HASPIN: variants seen among roughly 807,000 people sequenced by gnomAD.
HASPIN encodes the protein serine/threonine-protein kinase haspin.
A neutral mutation model predicts 28.8 loss-of-function variants in HASPIN; 24 were observed. That is an observed-to-expected ratio of 0.83 (90% CI 0.60 to 1.17). The LOEUF (loss-of-function observed/expected upper bound fraction) is 1.17, where lower values mean the gene tolerates loss of function less well. Ranked by LOEUF, HASPIN falls within the 50% of genes most tolerant of loss-of-function variation. HASPIN has a pLI of 0.00. For missense variants in HASPIN, 1,016 were observed against 1,018.5 expected, an observed-to-expected ratio of 1.00 and a Z score of 0.03; for synonymous variants, 440 against 413.1, an observed-to-expected ratio of 1.07 and a Z score of -0.79.
rs752049306 is a variant in HASPIN at position 3,724,788 on chromosome 17, G to A, written c.853G>A (p.Gly285Ser). ...GGTGGGAAATGGACCAGAGGGTCCAGGTCTGTCAAGCACAGGCAAGAGGAG... is the reference window on the plus strand; with the variant it reads ...GGTGGGAAATGGACCAGAGGGTCCAAGTCTGTCAAGCACAGGCAAGAGGAG... Reference protein sequence around the residue: ...LVVGNGPEGPGLSSTGKRRAT... With the variant: ...LVVGNGPEGPSLSSTGKRRAT... Residue 285 changes from glycine (G) to serine (S), a missense_variant, in exon 1 of 1, where the codon GGT (glycine) becomes AGT (serine). Coordinates refer to ENST00000325418, the MANE Select transcript of HASPIN (RefSeq NM_031965.2). 1 of 1,614,200 alleles carries A rather than the reference G, an allele frequency of 6.2e-7. No individual in the cohort carries two copies. The highest frequency in any genetic ancestry group is 1.7e-5 in the Admixed American group (1 of 60,016).
chr17:3,724,128 G>A lies in HASPIN; in HGVS notation c.193G>A (p.Asp65Asn). 14 of 1,594,662 alleles carry A rather than the reference G, an allele frequency of 8.8e-6. No individual in the cohort carries two copies. Among genetic ancestry groups the A allele is most frequent in the Non-Finnish European group, 1.1e-5 (13 of 1,177,514 alleles). ...CCCCTCGCAGTCCGACGATCCTGAC[G>A]ATCCCGACGACCCCGACTTCCCCGG... is the stretch of plus-strand genomic sequence containing the variant. Reference protein sequence around the residue: ...GDPSQSDDPDDPDDPDFPGSP... With the variant: ...GDPSQSDDPDNPDDPDFPGSP... Residue 65 changes from aspartate (D) to asparagine (N), a missense_variant, in exon 1 of 1, where the codon GAT becomes AAT. Coordinates refer to ENST00000325418, the MANE Select transcript of HASPIN (RefSeq NM_031965.2).
chr17:3,725,730 C>A lies in HASPIN; in HGVS notation c.1795C>A (p.Leu599Ile). ...GCCTGATTTTTTTAAAGACGACCAG[C>A]TCTTCATTGTGCTGGAATTTGAGTT... is the stretch of plus-strand genomic sequence containing the variant. ...DRPDFFKDDQ[L>I]FIVLEFEFGG... The change falls in exon 1 of 1, where the codon CTC becomes ATC. Residue 599 changes from leucine (L) to isoleucine (I), a missense_variant. Leu to Ile is a conservative substitution (Grantham distance 5). Coordinates refer to ENST00000325418, the MANE Select transcript of HASPIN (RefSeq NM_031965.2). 1 of 1,578,612 alleles carries A rather than the reference C, an allele frequency of 6.3e-7. No homozygotes were observed. The highest frequency in any genetic ancestry group is 8.6e-7 in the Non-Finnish European group (1 of 1,162,518).
At position 3,726,586 on chromosome 17, in the gene HASPIN, G is replaced by A. The variant is rs1274379854; in HGVS notation, c.*254G>A. The A allele has an allele frequency of 8.9e-6, 4 of 449,294 alleles. No individual in the cohort carries two copies. The highest frequency in any genetic ancestry group is 1.2e-5 in the Non-Finnish European group (3 of 252,832). The allele number at this position is 449,294 out of a possible 1,614,324, so 27.8% of individuals were successfully genotyped here. A position where few individuals can be genotyped will look rare whatever the true frequency, so the allele number is the denominator to read the frequency against. On this transcript the variant is annotated 3_prime_UTR_variant, in exon 1 of 1. Transcript: ENST00000325418. ...CGTGCGCCTGTAGTCCCAGCTACTC[G>A]GGAGGCTGAGGCAGGAGGATCGCTT...
In HASPIN at chr17:3,724,208, G is replaced by A. The variant is rs1232334985; in HGVS notation, c.273G>A (p.Arg91=). ...CCGGCGGCCGAGTGCCCAAGGACCG[G>A]CCCAGCCTGACCGTGACCCCAAAGC... The part of the protein sequence containing the change: ...RRPGGRVPKD[R]PSLTVTPKRW... The change falls in exon 1 of 1, where the codon CGG becomes CGA. Residue 91 remains arginine (R), a synonymous_variant. Transcript: ENST00000325418. 8 of 1,592,882 alleles carry A rather than the reference G, an allele frequency of 5.0e-6. No homozygotes were observed. Among genetic ancestry groups the A allele is most frequent in the Non-Finnish European group, 6.8e-6 (8 of 1,177,062 alleles).
rs1212389461 is a variant in HASPIN at position 3,723,979 on chromosome 17, CA to C, written c.45del (p.Tyr16MetfsTer61). 1 of 1,592,046 alleles carries C rather than the reference CA, an allele frequency of 6.3e-7. No homozygotes were observed. Among genetic ancestry groups the C allele is most frequent in the African/African-American group, 1.4e-5 (1 of 74,036 alleles). Reference protein sequence around the residue: ...LPGPGSRLFRTYGAADGRRQR... With the variant: ...LPGPGSRLFRXYGAADGRRQR... ...GGACCTGGGAGCCGGCTTTTCCGCACATATGGGGCTGCGGACGGCAGGAGAC... is the reference window on the plus strand; with the variant it reads ...GGACCTGGGAGCCGGCTTTTCCGCACTATGGGGCTGCGGACGGCAGGAGAC... On this transcript the variant is annotated frameshift_variant, in exon 1 of 1. Transcript: ENST00000325418. LOFTEE classifies it low-confidence loss of function (END_TRUNC).
At position 3,726,620 on chromosome 17, in the gene HASPIN, G is replaced by A. The variant is rs1234968658; in HGVS notation, c.*288G>A. On this transcript the variant is annotated 3_prime_UTR_variant, in exon 1 of 1. Coordinates refer to ENST00000325418, the MANE Select transcript of HASPIN (RefSeq NM_031965.2). ...AGGCAGGAGGATCGCTTGAGCCCAA[G>A]AGTTCATATCTAGCCTGGTCAACAT... The A allele has an allele frequency of 1.3e-5, 5 of 384,796 alleles. No homozygotes were observed. The highest frequency in any genetic ancestry group is 1.4e-5 in the Non-Finnish European group (3 of 214,940). 23.8% of individuals were successfully genotyped at this position (384,796 alleles called of 1,614,324 possible).
Position 3,725,015 on chromosome 17 carries a change from A to G in HASPIN, c.1080A>G (p.Gln360=). ...ATTCCCACCGCTTTAAAAAGGGCCA[A>G]AAGCTGGGAAAAGATTCGTTCCCCA... ...LLHSHRFKKG[Q]KLGKDSFPTQ... is the part of the protein sequence containing the mutation. The change falls in exon 1 of 1, where the codon CAA becomes CAG. Residue 360 remains glutamine, a synonymous_variant. Transcript: ENST00000325418. The G allele has an allele frequency of 6.2e-7, 1 of 1,614,194 alleles. No individual in the cohort carries two copies. The highest frequency in any genetic ancestry group is 8.5e-7 in the Non-Finnish European group (1 of 1,180,028).
Position 3,724,101 on chromosome 17 carries a change from G to T in HASPIN, c.166G>T (p.Asp56Tyr), listed in dbSNP as rs762390900. Residue 56 changes from aspartate to tyrosine, a missense_variant, in exon 1 of 1, where the codon GAC becomes TAC. Coordinates refer to ENST00000325418, the MANE Select transcript of HASPIN (RefSeq NM_031965.2). ...SSGSSDASIGDPSQSDDPDDP... is the reference protein window; with the variant it reads ...SSGSSDASIGYPSQSDDPDDP... ...CGGCAGCAGCGACGCCAGCATCGGCGACCCCTCGCAGTCCGACGATCCTGA... is the reference window on the plus strand; with the variant it reads ...CGGCAGCAGCGACGCCAGCATCGGCTACCCCTCGCAGTCCGACGATCCTGA... The T allele has an allele frequency of 3.4e-5, 54 of 1,594,296 alleles. No homozygotes were observed. In the South Asian group the frequency reaches 5.4e-4, roughly 16 times the overall value.
chr17:3,724,937 T>C lies in HASPIN; in HGVS notation c.1002T>C (p.Thr334=), dbSNP rs2051171801. ...VPRGIDRLER[T]RSSRKSKHQE... is the part of the protein sequence containing the mutation. ...GGGGAATAGACAGGCTGGAGAGAAC[T>C]AGATCAAGCCGGAAGAGCAAACATC... Residue 334 remains threonine, a synonymous_variant, in exon 1 of 1, where the codon ACT becomes ACC. Coordinates refer to ENST00000325418, the MANE Select transcript of HASPIN (RefSeq NM_031965.2). 2.5e-6 allele frequency: 4 copies of C among 1,613,672 alleles called. No individual in the cohort carries two copies. The highest frequency in any genetic ancestry group is 3.4e-6 in the Non-Finnish European group (4 of 1,179,852).
At position 3,726,275 on chromosome 17, in the gene HASPIN, A is replaced by G. The variant is rs775999362; in HGVS notation, c.2340A>G (p.Thr780=). Reference sequence around the variant, plus strand: ...GAAAAATCCAGGAGTTCCACAGGACAATGCTGAACTTCAGCTCTGCCACTG... The same window carrying G: ...GAAAAATCCAGGAGTTCCACAGGACGATGCTGAACTTCAGCTCTGCCACTG... ...IKRKIQEFHR[T]MLNFSSATDL... The change falls in exon 1 of 1, where the codon ACA becomes ACG. Residue 780 remains threonine, a synonymous_variant. Coordinates refer to ENST00000325418, the MANE Select transcript of HASPIN (RefSeq NM_031965.2). 2 of 1,614,180 alleles carry G rather than the reference A, an allele frequency of 1.2e-6. No homozygotes were observed. The highest frequency in any genetic ancestry group is 1.1e-5 in the South Asian group (1 of 91,084).
rs1164208943 is a variant in HASPIN, at chr17:3,725,423, C to T, written c.1488C>T (p.Gly496=). The T allele has an allele frequency of 5.0e-6, 8 of 1,614,092 alleles. No individual in the cohort carries two copies. The South Asian group carries it at 5.5e-5, about 11-fold the overall frequency. The change falls in exon 1 of 1, where the codon GGC becomes GGT. Residue 496 remains glycine, a synonymous_variant. Transcript: ENST00000325418. ...AGAAGATTGGGGAAGGGGTGTTTGG[C>T]GAAGTGTTTCAAACAATTGCTGATC... ...RCEKIGEGVF[G]EVFQTIADHT...
rs1198228428 is a variant in HASPIN, at chr17:3,724,364, C to G, written c.429C>G (p.Ser143=). The G allele has an allele frequency of 6.2e-7, 1 of 1,603,192 alleles. No homozygotes were observed. The stretch of plus-strand genomic sequence containing the variant: ...TTCCGCCCTTCCCCAGCCGCGACTC[C>G]GGCCGCCTCAGCCCGGACCTCAGCG... The part of the protein sequence containing the change: ...LRLPPFPSRD[S]GRLSPDLSVC... The change falls in exon 1 of 1, where the codon TCC becomes TCG. Residue 143 remains serine, a synonymous_variant. Coordinates refer to ENST00000325418, the MANE Select transcript of HASPIN (RefSeq NM_031965.2).
chr17:3,725,780 G>A lies in HASPIN; in HGVS notation c.1845G>A (p.Met615Ile). ...TTGGAGGGATTGACTTAGAGCAAAT[G>A]CGAACCAAGTTGTCTTCCTTGGCTA... ...FEFGGIDLEQ[M>I]RTKLSSLATA... The change falls in exon 1 of 1, where the codon ATG (methionine) becomes ATA (isoleucine). Residue 615 changes from methionine to isoleucine, a missense_variant. Transcript: ENST00000325418. 5 of 1,602,692 alleles carry A rather than the reference G, an allele frequency of 3.1e-6. No individual in the cohort carries two copies. Among genetic ancestry groups the A allele is most frequent in the Non-Finnish European group, 4.3e-6 (5 of 1,172,788 alleles).
In HASPIN at chr17:3,725,138, G is replaced by A. The variant is rs2143008368; in HGVS notation, c.1203G>A (p.Glu401=). 1 of 1,614,196 alleles carries A rather than the reference G, an allele frequency of 6.2e-7. No homozygotes were observed. Among genetic ancestry groups the A allele is most frequent in the East Asian group, 2.2e-5 (1 of 44,890 alleles). The change falls in exon 1 of 1, where the codon GAG becomes GAA. Residue 401 remains glutamate (E), a synonymous_variant. Transcript: ENST00000325418. ...HKKKIVTDVS[E]VCSIYTTATS... is the part of the protein sequence containing the mutation. The stretch of plus-strand genomic sequence containing the variant: ...AGAAAATTGTGACTGATGTGTCAGA[G>A]GTCTGCAGCATCTATACCACTGCCA...
chr17:3,724,112 G>A lies in HASPIN; in HGVS notation c.177G>A (p.Gln59=), dbSNP rs1203223231. The A allele has an allele frequency of 6.3e-7, 1 of 1,594,774 alleles. No homozygotes were observed. Among genetic ancestry groups the A allele is most frequent in the Non-Finnish European group, 8.5e-7 (1 of 1,177,658 alleles). The stretch of plus-strand genomic sequence containing the variant: ...ACGCCAGCATCGGCGACCCCTCGCA[G>A]TCCGACGATCCTGACGATCCCGACG... The part of the protein sequence containing the change: ...SSDASIGDPS[Q]SDDPDDPDDP... Residue 59 remains glutamine, a synonymous_variant, in exon 1 of 1, where the codon CAG becomes CAA. Transcript: ENST00000325418.
chr17:3,724,528 C>G lies in HASPIN; in HGVS notation c.593C>G (p.Ala198Gly). The G allele has an allele frequency of 1.9e-6, 3 of 1,614,030 alleles. No homozygotes were observed. Among genetic ancestry groups the G allele is most frequent in the Non-Finnish European group, 2.5e-6 (3 of 1,180,012 alleles). Reference sequence around the variant, plus strand: ...GGCACCTCCGCCTGTCTGGTTGCAGCCTCAGCCGTCCCGAGCGGCCTCCAC... The same window carrying G: ...GGCACCTCCGCCTGTCTGGTTGCAGGCTCAGCCGTCCCGAGCGGCCTCCAC... ...SIGTSACLVA[A>G]SAVPSGLHLP... Residue 198 changes from alanine (A) to glycine (G), a missense_variant, in exon 1 of 1, where the codon GCC becomes GGC. Ala to Gly is a moderately conservative substitution (Grantham distance 60). Around this residue, in one of 3 missense-constraint regions of HASPIN, gnomAD observed 881 missense variants for 845.5 expected, o/e 1.04. Coordinates refer to ENST00000325418, the MANE Select transcript of HASPIN (RefSeq NM_031965.2).
In HASPIN at chr17:3,724,351, C is replaced by G; in HGVS notation, c.416C>G (p.Pro139Arg). 1 of 1,598,946 alleles carries G rather than the reference C, an allele frequency of 6.3e-7. No individual in the cohort carries two copies. Among genetic ancestry groups the G allele is most frequent in the East Asian group, 2.3e-5 (1 of 44,296 alleles). The change falls in exon 1 of 1, where the codon CCC becomes CGC. Residue 139 changes from proline to arginine, a missense_variant. This residue lies in a region of HASPIN where 881 missense variants were observed against 845.5 expected (regional missense o/e 1.04). Transcript: ENST00000325418. ...PCGPLRLPPF[P>R]SRDSGRLSPD... is the part of the protein sequence containing the mutation. ...GGCCCGCTCCGACTTCCGCCCTTCCCCAGCCGCGACTCCGGCCGCCTCAGC... is the reference window on the plus strand; with the variant it reads ...GGCCCGCTCCGACTTCCGCCCTTCCGCAGCCGCGACTCCGGCCGCCTCAGC...
Position 3,724,426 on chromosome 17 carries a change from T to C in HASPIN, c.491T>C (p.Ile164Thr). ...CCCAGGGACGGCGACGAGCTGGGCA[T>C]CAGTGCCTCCCTGTTCAGCTCTCTG... Reference protein sequence around the residue: ...GQPRDGDELGISASLFSSLAS... With the variant: ...GQPRDGDELGTSASLFSSLAS... The change falls in exon 1 of 1, where the codon ATC (isoleucine) becomes ACC (threonine). Residue 164 changes from isoleucine to threonine, a missense_variant. Transcript: ENST00000325418. 1.2e-6 allele frequency: 2 copies of C among 1,613,204 alleles called. No homozygotes were observed. Among genetic ancestry groups the C allele is most frequent in the Non-Finnish European group, 1.7e-6 (2 of 1,179,890 alleles).
Position 3,725,966 on chromosome 17 carries a change from C to T in HASPIN, c.2031C>T (p.Pro677=), listed in dbSNP as rs375316556. The T allele has an allele frequency of 2.5e-6, 4 of 1,613,696 alleles. No homozygotes were observed. The highest frequency in any genetic ancestry group is 2.7e-5 in the African/African-American group (2 of 74,886). ...TCAATGGGAAGAGCAGCACTATCCC[C>T]AGCTGTGGGTTGCAAGTGAGCATCA... The part of the protein sequence containing the change: ...YTLNGKSSTI[P]SCGLQVSIID... The change falls in exon 1 of 1, where the codon CCC becomes CCT. Residue 677 remains proline, a synonymous_variant. Transcript: ENST00000325418.
Sources: gnomAD v4.1 joint callset for allele counts on GRCh38, gnomAD v4.1.1 for gene constraint, gnomAD v4.1.1 regional missense constraint, MANE v1.5 for transcripts, NCBI Gene and HGNC (gene_info 2026-07-23, HGNC 2026-07-21) for gene names.